The following FAT3 variants were observed in gnomAD, a reference collection of about 807,000 sequenced individuals.
The protein encoded by FAT3 is protocadherin Fat 3.
In FAT3, 95 loss-of-function variants were observed where a neutral mutation model predicts 310.2. That is an observed-to-expected ratio of 0.31 (90% CI 0.26 to 0.36). The LOEUF (loss-of-function observed/expected upper bound fraction) is 0.36, where lower values mean the gene tolerates loss of function less well. FAT3 is among the 10% of genes least tolerant of loss of function. The pLI, the probability that FAT3 is intolerant of heterozygous loss-of-function variation, is 1.00. For missense variants in FAT3, 5,408 were observed against 5,715.6 expected (o/e 0.95, Z 1.74); for synonymous variants, 2,314 against 2,192.9 (o/e 1.06, Z -1.54).
At chr11:92,502,055 A>G (rs1045250830) in intron 2 of FAT3, among the ~76,000 whole-genome samples, 2 of 152,046 alleles carry the variant, frequency 1.3e-5, no homozygotes, top group African/African-American at 4.8e-5. Flanking sequence ...TTACATTTGT[A>G]CGTGATAGAC....
intron 3 of FAT3, among the ~76,000 whole-genome samples, chr11:92,544,063 C>G (rs1954539035): frequency 6.6e-6 from 1 of 152,136 alleles, no homozygotes; most frequent in African/African-American, 2.4e-5. Flanking sequence ...CTTCTACGTA[C>G]TAGGGAAGCT....
At chr11:92,625,057 C>A (rs144281118) in intron 3 of FAT3, among the ~76,000 whole-genome samples, 157 of 152,310 alleles carry the variant, frequency 1.0e-3, no homozygotes, top group African/African-American at 3.4e-3. Flanking sequence ...GAGACCATGT[C>A]TCCAAATAAG....
intron 2 of FAT3, among the ~76,000 whole-genome samples, chr11:92,368,845 T>TATATATATATATATATAC (rs1196442457): frequency 1.6e-4 from 24 of 145,854 alleles, no homozygotes; most frequent in African/African-American, 5.9e-4. Flanking sequence ...TATATATATA[T>TATATATATATATATATAC]ATACACACAT....
In FAT3 at chr11:92,890,653, A is replaced by G; in HGVS notation, c.13310A>G (p.Tyr4437Cys). 6.2e-7 allele frequency: 1 copy of G among 1,613,652 alleles called. No homozygotes were observed. Among genetic ancestry groups the G allele is most frequent in the African/African-American group, 1.3e-5 (1 of 74,962 alleles). ...YLGGYDIDSE[Y>C]PPPHEEEFLS... Reference sequence around the variant, plus strand: ...GGTGGTTATGACATTGACAGTGAATACCCACCCCCTCATGAAGAGGAGTTC... The same window carrying G: ...GGTGGTTATGACATTGACAGTGAATGCCCACCCCCTCATGAAGAGGAGTTC... The change falls in exon 28 of 28, where the codon TAC becomes TGC. Residue 4437 changes from tyrosine to cysteine, a missense_variant. Transcript: ENST00000525166.
chr11:92,790,165 A>G lies in FAT3; in HGVS notation c.4558A>G (p.Thr1520Ala). The change falls in exon 8 of 28, where the codon ACT becomes GCT. Residue 1520 changes from threonine (T) to alanine (A), a missense_variant. Coordinates refer to ENST00000525166, the MANE Select transcript of FAT3 (RefSeq NM_001367949.2). ...RIDPSTGVLY[T>A]AERLDHEAQD... ...TGACCCTAGCACTGGCGTGCTCTAT[A>G]CTGCCGAGAGGCTGGACCATGAGGC... The G allele has an allele frequency of 6.2e-7, 1 of 1,613,760 alleles. No individual in the cohort carries two copies. Among genetic ancestry groups the G allele is most frequent in the Middle Eastern group, 1.7e-4 (1 of 6,058 alleles).
chr11:92,519,988 A>G (rs1953629407), intron 2 of FAT3, among the ~76,000 whole-genome samples: 1 of 152,150 alleles, frequency 6.6e-6, no homozygotes, highest in Non-Finnish European at 1.5e-5. Context: ...CCCCTAAGTT[A>G]TTATTCAAGA....
intron 3 of FAT3, among the ~76,000 whole-genome samples, chr11:92,634,115 A>G (rs552430834): frequency 1.1e-4 from 16 of 152,308 alleles, no homozygotes; most frequent in African/African-American, 3.8e-4. Context: ...CAGCAGCCCT[A>G]CACAGAGATT....
intron 3 of FAT3, among the ~76,000 whole-genome samples, chr11:92,556,086 C>T (rs1009810080): frequency 2.6e-5 from 4 of 152,270 alleles, no homozygotes; most frequent in African/African-American, 7.2e-5. Context: ...AAGTGCTCAA[C>T]AAATGTTGGC....
chr11:92,275,403 C>T (rs914102155), intron 1 of FAT3, among the ~76,000 whole-genome samples: 6 of 151,924 alleles, frequency 3.9e-5, no homozygotes, highest in African/African-American at 1.5e-4. Flanking sequence ...CTTATTCAAC[C>T]TTATTTTTTT....
chr11:92,366,394 C>T (rs962747289), intron 2 of FAT3: 1 of 268,472 alleles, frequency 3.7e-6, no homozygotes, highest in Non-Finnish European at 7.5e-6. Context: ...ACTTAAGATG[C>T]TTACAGATGT....
intron 2 of FAT3, among the ~76,000 whole-genome samples, chr11:92,487,258 T>A (rs1952441659): frequency 6.6e-6 from 1 of 152,156 alleles, no homozygotes; most frequent in Non-Finnish European, 1.5e-5. Flanking sequence ...TGTTTTTCTA[T>A]CAAACCAAGG....
chr11:92,822,283 T>G lies in FAT3; in HGVS notation c.9482-9339T>G, dbSNP rs922649757. ...TCTTTCGCAGAAGCTCCCTCACTCA[T>G]GTGCTACCTCATTTGTAGACGCCAC... On this transcript the variant is annotated intron_variant, in intron 13 of 27. Coordinates refer to ENST00000525166, the MANE Select transcript of FAT3 (RefSeq NM_001367949.2). Among the ~76,000 whole-genome samples, 97 of 151,696 alleles carry G rather than the reference T, an allele frequency of 6.4e-4. 2 individuals are homozygous for G. The highest frequency in any genetic ancestry group is 1.8e-4 in the Non-Finnish European group (12 of 67,954).
Position 92,800,076 on chromosome 11 carries a change from G to T in FAT3, c.7063G>T (p.Glu2355Ter). The T allele has an allele frequency of 6.2e-7, 1 of 1,613,964 alleles. No homozygotes were observed. The highest frequency in any genetic ancestry group is 1.1e-5 in the South Asian group (1 of 91,074). ...CCTGACAGCACGAATGCTGGACCAT[G>T]AGTTAGTACAACACTGCACTTTGAA... is the stretch of plus-strand genomic sequence containing the variant. ...LILTARMLDH[E>*]LVQHCTLKVR... Residue 2355 changes from glutamate (E) to a stop codon, truncating the protein, a stop_gained, in exon 10 of 28, where the codon GAG becomes TAG. Transcript: ENST00000525166. LOFTEE classifies it high-confidence loss of function.
chr11:92,293,298 G>T (rs544559048), intron 1 of FAT3, among the ~76,000 whole-genome samples: 1 of 151,292 alleles, frequency 6.6e-6, no homozygotes, highest in Non-Finnish European at 1.5e-5. Context: ...TTCTGCTGGG[G>T]GTAGGGGCTT....
chr11:92,456,712 G>C (rs1565331006), intron 2 of FAT3, among the ~76,000 whole-genome samples: 3 of 152,032 alleles, frequency 2.0e-5, no homozygotes, highest in African/African-American at 4.8e-5. Flanking sequence ...TTTGTACTTA[G>C]TAAATTATGA....
chr11:92,510,768 T>A (rs1309455536), intron 2 of FAT3, among the ~76,000 whole-genome samples: 2 of 152,236 alleles, frequency 1.3e-5, no homozygotes, highest in East Asian at 3.9e-4. Flanking sequence ...TGCCTTAATC[T>A]TCCTTGCAGC....
In FAT3 at chr11:92,354,475, C is replaced by A. The variant is rs751042976; in HGVS notation, c.2363C>A (p.Pro788His). Residue 788 changes from proline (P) to histidine (H), a missense_variant, in exon 2 of 28, where the codon CCC becomes CAC. Coordinates refer to ENST00000525166, the MANE Select transcript of FAT3 (RefSeq NM_001367949.2). ...METGQLKVLMPMDREHTDLYL... is the reference protein window; with the variant it reads ...METGQLKVLMHMDREHTDLYL... ...ACTGGGCAGCTTAAAGTCCTTATGC[C>A]CATGGATCGAGAACACACAGACCTC... is the stretch of plus-strand genomic sequence containing the variant. 1.2e-6 allele frequency: 2 copies of A among 1,613,746 alleles called. No individual in the cohort carries two copies. The highest frequency in any genetic ancestry group is 3.3e-5 in the Admixed American group (2 of 59,936).
chr11:92,818,035 T>C (rs1947867285), intron 13 of FAT3, among the ~76,000 whole-genome samples: 1 of 152,148 alleles, frequency 6.6e-6, no homozygotes, highest in African/African-American at 2.4e-5. Context: ...TCTGAGGAAG[T>C]GTTGCTCAAA....
chr11:92,250,509 C>CA (rs1865095372), intron 1 of FAT3, among the ~76,000 whole-genome samples: 2 of 152,040 alleles, frequency 1.3e-5, no homozygotes, highest in African/African-American at 2.4e-5. Flanking sequence ...GTATTAGCAA[C>CA]AAAAAATTAT....
Sources: gnomAD v4.1 joint callset for allele counts (sites outside exome capture counted in the v4.1 genomes callset) on GRCh38, gnomAD v4.1.1 for gene constraint, MANE v1.5 for transcripts, NCBI Gene and HGNC (gene_info 2026-07-23, HGNC 2026-07-21) for gene names.